ADIPOR2: variants seen among roughly 807,000 people sequenced by gnomAD.
The protein encoded by ADIPOR2 is adiponectin receptor protein 2.
Under a neutral mutation model 40.9 loss-of-function variants are expected in ADIPOR2, and 18 were observed. The ratio of observed to expected loss-of-function variants is 0.44; its 90% CI spans 0.30 to 0.65. ADIPOR2 has a LOEUF of 0.65. Ranked by LOEUF, ADIPOR2 falls within the 30% of genes least tolerant of loss-of-function variation. The pLI is 0.09. For missense variants in ADIPOR2, 283 were observed against 479.2 expected, an observed-to-expected ratio of 0.59 and a Z score of 3.82; for synonymous variants, 165 against 166.4, an observed-to-expected ratio of 0.99 and a Z score of 0.06.
chr12:1,720,523 TG>T (rs1164367698), intron 1 of ADIPOR2, among the ~76,000 whole-genome samples: 1 of 152,186 alleles, frequency 6.6e-6, no homozygotes, highest in Non-Finnish European at 1.5e-5. Context: ...ATGGGAGTGA[TG>T]GGAGACAGTG....
At chr12:1,695,244 A>G (rs917597015) in intron 1 of ADIPOR2, among the ~76,000 whole-genome samples, 82 of 151,776 alleles carry the variant, frequency 5.4e-4, no homozygotes, top group African/African-American at 1.7e-3. Context: ...AGTTCCAGCT[A>G]CTTGGGAGGT....
chr12:1,712,350 A>G (rs1460508116), intron 1 of ADIPOR2, among the ~76,000 whole-genome samples: 3 of 152,144 alleles, frequency 2.0e-5, no homozygotes, highest in East Asian at 1.9e-4. Flanking sequence ...TCTGATAGCC[A>G]TAAACTTCCT....
chr12:1,733,878 G>A (rs534011477), intron 1 of ADIPOR2, among the ~76,000 whole-genome samples: 1 of 151,550 alleles, frequency 6.6e-6, no homozygotes, highest in Non-Finnish European at 1.5e-5. Context: ...TGTCCTTGGC[G>A]ATAGTTTGCT....
chr12:1,691,457 T>A (rs1048708972), intron 1 of ADIPOR2, among the ~76,000 whole-genome samples: 2 of 152,178 alleles, frequency 1.3e-5, no homozygotes, highest in Non-Finnish European at 2.9e-5. Context: ...CGGCGCCCGC[T>A]GTTCCCCTCG....
intron 2 of ADIPOR2, among the ~76,000 whole-genome samples, chr12:1,765,803 A>G (rs1862365261): frequency 6.6e-6 from 1 of 152,124 alleles, no homozygotes; most frequent in Admixed American, 6.5e-5. Flanking sequence ...ACCATTTCAA[A>G]TTGAACTAAT....
intron 1 of ADIPOR2, among the ~76,000 whole-genome samples, chr12:1,725,409 C>T (rs1404009547): frequency 2.0e-5 from 3 of 152,148 alleles, no homozygotes; most frequent in Admixed American, 6.5e-5. Context: ...TGTGAACCAC[C>T]ACACCTGGCC....
At chr12:1,735,509 GT>G (rs2094728531) in intron 1 of ADIPOR2, among the ~76,000 whole-genome samples, 1 of 152,198 alleles carries the variant, frequency 6.6e-6, no homozygotes, top group African/African-American at 2.4e-5. Context: ...AGACAATGGG[GT>G]TTTCTAGATA....
chr12:1,761,844 C>T (rs759302865), intron 2 of ADIPOR2, among the ~76,000 whole-genome samples: 8 of 152,178 alleles, frequency 5.3e-5, no homozygotes, highest in East Asian at 1.9e-4. Context: ...ATATATTCTT[C>T]GCACAGTTCC....
chr12:1,724,485 A>T (rs2094703969), intron 1 of ADIPOR2, among the ~76,000 whole-genome samples: 1 of 152,176 alleles, frequency 6.6e-6, no homozygotes, highest in Admixed American at 6.5e-5. Context: ...CCAGGGGTTG[A>T]GGAGAAGAGG....
At chr12:1,743,913 T>G (rs944934014) in intron 1 of ADIPOR2, among the ~76,000 whole-genome samples, 1 of 152,190 alleles carries the variant, frequency 6.6e-6, no homozygotes, top group African/African-American at 2.4e-5. Flanking sequence ...CACTTTATGA[T>G]CAGCCTTATA....
At chr12:1,735,721 T>G (rs1319201241) in intron 1 of ADIPOR2, among the ~76,000 whole-genome samples, 1 of 152,246 alleles carries the variant, frequency 6.6e-6, no homozygotes, top group Non-Finnish European at 1.5e-5. Flanking sequence ...AGTATGATAT[T>G]GGCTGTGGGT....
chr12:1,731,068 ATTTG>A (rs1372990937), intron 1 of ADIPOR2: 6 of 152,058 alleles, frequency 3.9e-5, no homozygotes, highest in South Asian at 2.1e-4. Flanking sequence ...TCCTTATTTT[ATTTG>A]TTTGTTTAGA....
intron 1 of ADIPOR2, among the ~76,000 whole-genome samples, chr12:1,698,619 G>A (rs2094644141): frequency 6.6e-6 from 1 of 152,104 alleles, no homozygotes; most frequent in Non-Finnish European, 1.5e-5. Flanking sequence ...ATTATTAAAT[G>A]GATATGCTAT....
In ADIPOR2 at chr12:1,787,334, G is replaced by A. The variant is rs1356020930; in HGVS notation, c.*1262G>A. 6.6e-6 allele frequency: 1 copy of A among 152,248 alleles called. No individual in the cohort carries two copies. The highest frequency in any genetic ancestry group is 2.4e-5 in the African/African-American group (1 of 41,456). The allele number at this position is 152,248 out of a possible 1,614,324, so 9.4% of individuals were successfully genotyped here. On this transcript the variant is annotated 3_prime_UTR_variant, in exon 8 of 8. Coordinates refer to ENST00000357103, the MANE Select transcript of ADIPOR2 (RefSeq NM_024551.3). ...GTACACTGTCTTGGTAAGCCTGGAT[G>A]TGACAGACACCTCGGCTCTCCTTGA...
chr12:1,700,073 T>G (rs1423073297), intron 1 of ADIPOR2, among the ~76,000 whole-genome samples: 1 of 152,246 alleles, frequency 6.6e-6, no homozygotes, highest in Non-Finnish European at 1.5e-5. Context: ...AATGATATTT[T>G]CTTTATAACT....
At chr12:1,721,985 C>G (rs2094698743) in intron 1 of ADIPOR2, among the ~76,000 whole-genome samples, 1 of 152,072 alleles carries the variant, frequency 6.6e-6, no homozygotes, top group African/African-American at 2.4e-5. Context: ...TAAGGAGTTT[C>G]TAGGTGTAAA....
chr12:1,733,665 G>A (rs1454406428), intron 1 of ADIPOR2, among the ~76,000 whole-genome samples: 1 of 151,974 alleles, frequency 6.6e-6, no homozygotes, highest in Non-Finnish European at 1.5e-5. Context: ...ATGCAGGTTT[G>A]TTACATATGT....
chr12:1,748,206 T>C (rs906083849), intron 1 of ADIPOR2, among the ~76,000 whole-genome samples: 1 of 152,120 alleles, frequency 6.6e-6, no homozygotes, highest in African/African-American at 2.4e-5. Context: ...TTGATCTCTA[T>C]CTGAGGTGAT....
chr12:1,767,169 G>A (rs1862399392), intron 2 of ADIPOR2, among the ~76,000 whole-genome samples: 1 of 151,662 alleles, frequency 6.6e-6, no homozygotes, highest in South Asian at 2.1e-4. Flanking sequence ...TACTCGGGAG[G>A]CTGAGGCAGG....
Sources: gnomAD v4.1 joint callset for allele counts (sites outside exome capture counted in the v4.1 genomes callset) on GRCh38, gnomAD v4.1.1 for gene constraint, MANE v1.5 for transcripts, NCBI Gene and HGNC (gene_info 2026-07-23, HGNC 2026-07-21) for gene names.